Variants in BRWD1 observed in about 807,000 individuals in gnomAD.
The protein encoded by BRWD1 is bromodomain and WD repeat-containing protein 1.
Under a neutral mutation model 251.2 loss-of-function variants are expected in BRWD1, and 82 were observed. The ratio of observed to expected loss-of-function variants is 0.33; its 90% CI spans 0.27 to 0.39. The LOEUF is 0.39. Among genes scored for constraint, BRWD1 ranks in the 10% least tolerant of loss-of-function variants. BRWD1 has a pLI of 1.00. For missense variants in BRWD1, 2,233 were observed against 2,711.6 expected, an observed-to-expected ratio of 0.82 and a Z score of 3.92; for synonymous variants, 918 against 902.8, an observed-to-expected ratio of 1.02 and a Z score of -0.30.
chr21:39,218,266 G>A lies in BRWD1; in HGVS notation c.3545C>T (p.Ala1182Val). Residue 1182 changes from alanine to valine, a missense_variant, in exon 31 of 41, where the codon GCA (alanine) becomes GTA (valine). Coordinates refer to ENST00000342449, the MANE Select transcript of BRWD1 (RefSeq NM_033656.4). The stretch of plus-strand genomic sequence containing the variant: ...ATCAACAGGGCCTGCAAAAGCTGCT[G>A]CTATATCTGTTAGGGAAGACAGGAG... ...GIDQLLNLDI[A>V]AAFAGPVDLC... 1 of 1,606,038 alleles carries A rather than the reference G, an allele frequency of 6.2e-7. No homozygotes were observed. Among genetic ancestry groups the A allele is most frequent in the Non-Finnish European group, 8.5e-7 (1 of 1,178,060 alleles).
intron 18 of BRWD1, among the ~76,000 whole-genome samples, chr21:39,257,219 A>T (rs1479465543): frequency 1.3e-5 from 2 of 151,932 alleles, no homozygotes; most frequent in Admixed American, 1.3e-4. Context: ...AAAAAAAAAA[A>T]AATAGGATGA....
chr21:39,202,234 A>G, intron 38 of BRWD1, 91 bp downstream of exon 38: 3 of 891,626 alleles, frequency 3.4e-6, no homozygotes, highest in Non-Finnish European at 5.0e-6. Context: ...TCAAGGCCAC[A>G]TCTTTATATT....
At chr21:39,313,682 A>C, upstream of BRWD1, 1 of 375,546 alleles carries the variant, frequency 2.7e-6, no homozygotes, top group Non-Finnish European at 4.7e-6. Flanking sequence ...GGGAGACGAA[A>C]AGTAGTCCCT....
intron 18 of BRWD1, among the ~76,000 whole-genome samples, chr21:39,256,748 C>G (rs1048348047): frequency 6.6e-6 from 1 of 152,184 alleles, no homozygotes; most frequent in African/African-American, 2.4e-5. Context: ...GCTACTAACA[C>G]AACAGAAAAA....
At position 39,187,531 on chromosome 21, in the gene BRWD1, T is replaced by C. The variant is rs919192776; in HGVS notation, c.*8728A>G. On this transcript the variant is annotated 3_prime_UTR_variant, in exon 41 of 41. Coordinates refer to ENST00000342449, the MANE Select transcript of BRWD1 (RefSeq NM_033656.4). ...GGAAACAATAAATTTAAAAGTCATA[T>C]TGCTAAATGATAAATTTTAAAATGT... 7.8e-6 allele frequency: 11 copies of C among 1,407,366 alleles called. No individual in the cohort carries two copies. The Admixed American group carries it at 2.0e-4, about 25-fold the overall frequency. 87.2% of individuals were successfully genotyped at this position (1,407,366 alleles called of 1,614,324 possible).
chr21:39,283,066 T>C (rs1200483721), intron 8 of BRWD1, among the ~76,000 whole-genome samples: 2 of 152,196 alleles, frequency 1.3e-5, no homozygotes, highest in African/African-American at 4.8e-5. Flanking sequence ...TTTGTAGCTA[T>C]TTCTGTCCCA....
chr21:39,286,673 C>T (rs1468674239), intron 8 of BRWD1, among the ~76,000 whole-genome samples: 2 of 151,948 alleles, frequency 1.3e-5, no homozygotes. Context: ...CGCCACCATG[C>T]CCGGCTAATT....
In BRWD1 at chr21:39,195,353, C is replaced by T. The variant is rs1220390736; in HGVS notation, c.*906G>A. The T allele has an allele frequency of 2.0e-5, 20 of 988,250 alleles. No individual in the cohort carries two copies. Among genetic ancestry groups the T allele is most frequent in the Non-Finnish European group, 2.3e-5 (19 of 831,560 alleles). The allele number at this position is 988,250 out of a possible 1,614,324, so 61.2% of individuals were successfully genotyped here. A position where few individuals can be genotyped will look rare whatever the true frequency, so the allele number is the denominator to read the frequency against. On this transcript the variant is annotated 3_prime_UTR_variant, in exon 41 of 41. Transcript: ENST00000342449. Reference sequence around the variant, plus strand: ...TTAAATACTCTTTTAGCCCTGTACACTCTATTAAAGAACACACTTCTAAAT... The same window carrying T: ...TTAAATACTCTTTTAGCCCTGTACATTCTATTAAAGAACACACTTCTAAAT...
At chr21:39,313,708 G>A (rs997510964), upstream of BRWD1, 3 of 367,198 alleles carry the variant, frequency 8.2e-6, no homozygotes, top group Non-Finnish European at 1.5e-5. Context: ...GGGGGCGGGG[G>A]TTTGCGCCAA....
intron 21 of BRWD1, among the ~76,000 whole-genome samples, chr21:39,241,057 C>T (rs1299583949): frequency 1.3e-5 from 2 of 151,280 alleles, no homozygotes; most frequent in Non-Finnish European, 1.5e-5. Context: ...CCCGCCACCA[C>T]GCCCAGCTAA....
chr21:39,264,331 AAAAAT>A (rs2034850293), intron 17 of BRWD1, 124 bp downstream of exon 17: 2 of 647,178 alleles, frequency 3.1e-6, no homozygotes, highest in African/African-American at 3.9e-5. Context: ...TACACAGAAA[AAAAAT>A]AATAAAACAA....
chr21:39,210,361 T>C (rs1277222110), intron 35 of BRWD1, among the ~76,000 whole-genome samples: 1 of 152,146 alleles, frequency 6.6e-6, no homozygotes, highest in Non-Finnish European at 1.5e-5. Flanking sequence ...TAGTGACACA[T>C]GGGATGGTTT....
intron 32 of BRWD1, among the ~76,000 whole-genome samples, chr21:39,214,272 C>T (rs373951449): frequency 5.8e-4 from 89 of 152,276 alleles, no homozygotes; most frequent in African/African-American, 2.1e-3. Flanking sequence ...AGTCAGTTTA[C>T]ATTCTTTGAT....
chr21:39,264,187 T>C (rs2034844503), intron 17 of BRWD1, among the ~76,000 whole-genome samples: 3 of 152,254 alleles, frequency 2.0e-5, no homozygotes, highest in Middle Eastern at 3.4e-3. Context: ...TTACACACTA[T>C]AGATTTGATA....
intron 4 of BRWD1, among the ~76,000 whole-genome samples, chr21:39,301,978 G>T (rs981599917): frequency 2.4e-4 from 19 of 79,872 alleles, no homozygotes; most frequent in East Asian, 4.0e-4. Context: ...AGCTTTGTGT[G>T]TTTTTTTTTT....
At chr21:39,228,921 A>AC (rs1409858939) in intron 26 of BRWD1, among the ~76,000 whole-genome samples, 4 of 152,258 alleles carry the variant, frequency 2.6e-5, no homozygotes, top group Non-Finnish European at 4.4e-5. Context: ...ATTCAATCAA[A>AC]CCATCCATAT....
intron 4 of BRWD1, among the ~76,000 whole-genome samples, chr21:39,300,463 A>G (rs932823974): frequency 1.3e-5 from 2 of 152,212 alleles, no homozygotes; most frequent in Admixed American, 6.5e-5. Flanking sequence ...AAATTTCATG[A>G]GGGCCAAATG....
At chr21:39,267,127 G>A (rs749170681) in intron 15 of BRWD1, among the ~76,000 whole-genome samples, 3 of 152,136 alleles carry the variant, frequency 2.0e-5, no homozygotes, top group Non-Finnish European at 4.4e-5. Flanking sequence ...ACACAGAAAC[G>A]CAGCTTTCAG....
At chr21:39,210,740 C>T in intron 35 of BRWD1, 46 bp downstream of exon 35, 1 of 1,555,474 alleles carries the variant, frequency 6.4e-7, no homozygotes. Context: ...AGTTTCCTCA[C>T]TGCAAAACAA....
Sources: gnomAD v4.1 joint callset for allele counts (sites outside exome capture counted in the v4.1 genomes callset) on GRCh38, gnomAD v4.1.1 for gene constraint, MANE v1.5 for transcripts, NCBI Gene and HGNC (gene_info 2026-07-23, HGNC 2026-07-21) for gene names.